DAPK2: variants seen among roughly 807,000 people sequenced by gnomAD.
DAPK2 encodes the protein death associated protein kinase 2.
In DAPK2, 35 loss-of-function variants were observed where a neutral mutation model predicts 44.1. That is an observed-to-expected ratio of 0.79 (90% CI 0.61 to 1.05). The LOEUF is 1.05. DAPK2 is among the 50% of genes least tolerant of loss of function. DAPK2 has a pLI of 0.00. For missense variants in DAPK2, 453 were observed against 483.2 expected, an observed-to-expected ratio of 0.94 and a Z score of 0.59; for synonymous variants, 174 against 182.6, an observed-to-expected ratio of 0.95 and a Z score of 0.38.
In DAPK2 at chr15:63,929,747, G is replaced by A. The variant is rs143260733; in HGVS notation, c.633-170C>T. On this transcript the variant is annotated intron_variant, in intron 5 of 10. Transcript: ENST00000261891. ...CCATCCTGCTCTTCAGCAGCAGCCC[G>A]GGGTGTGTTTGGAGTCATCGAGCTC... The A allele has an allele frequency of 7.5e-6, 6 of 795,218 alleles. No homozygotes were observed. In the East Asian group the frequency reaches 8.1e-5, roughly 11 times the overall value. The allele number at this position is 795,218 out of a possible 1,614,324, so 49.3% of individuals were successfully genotyped here. A position where few individuals can be genotyped will look rare whatever the true frequency, so the allele number is the denominator to read the frequency against.
At chr15:63,983,680 T>C (rs1233092511) in exon 2 of DAPK2, 2 of 1,613,842 alleles carry the variant, frequency 1.2e-6, no homozygotes, top group African/African-American at 1.3e-5. Flanking sequence ...GCTCTGCCGC[T>C]TCTTGATGAA....
intron 1 of DAPK2, among the ~76,000 whole-genome samples, chr15:64,007,758 C>T (rs866173153): frequency 3.9e-5 from 6 of 152,040 alleles, no homozygotes; most frequent in South Asian, 2.1e-4. Flanking sequence ...AATGTCAAGA[C>T]GATACAGTCC....
At chr15:64,033,463 A>G (rs1464714591) in intron 1 of DAPK2, among the ~76,000 whole-genome samples, 1 of 152,174 alleles carries the variant, frequency 6.6e-6, no homozygotes, top group Non-Finnish European at 1.5e-5. Flanking sequence ...GACCCAAAAT[A>G]AGTCTCACAG....
In DAPK2 at chr15:63,980,483, T is replaced by C. The variant is rs1300376191; in HGVS notation, c.314+3050A>G. ...CAGCAACACTCCTACGTTGTGGTAG[T>C]AATGGTTAACCAGCACCATCTTTGA... On this transcript the variant is annotated intron_variant, in intron 2 of 10. Transcript: ENST00000261891. The surrounding 1 kb of genome is among the most constrained non-coding windows in gnomAD (Gnocchi z 4.3). Among the ~76,000 whole-genome samples, 1 of 152,228 alleles carries C rather than the reference T, an allele frequency of 6.6e-6. No homozygotes were observed. The highest frequency in any genetic ancestry group is 2.4e-5 in the African/African-American group (1 of 41,448).
chr15:63,923,198 A>G lies in DAPK2; in HGVS notation c.858+1618T>C. The G allele has an allele frequency of 1.3e-6, 2 of 1,535,860 alleles. No individual in the cohort carries two copies. The highest frequency in any genetic ancestry group is 1.7e-6 in the Non-Finnish European group (2 of 1,146,728). ...GTCGACCCGAGCCACGTCTTCCACC[A>G]CACAGGCAAAACGCTCGAAGTTGAC... is the stretch of plus-strand genomic sequence containing the variant. On this transcript the variant is annotated intron_variant, in intron 8 of 10. Transcript: ENST00000261891. The surrounding 1 kb of genome is among the most constrained non-coding windows in gnomAD (Gnocchi z 4.2).
intron 3 of DAPK2, among the ~76,000 whole-genome samples, chr15:63,952,469 T>C (rs757636268): frequency 6.6e-6 from 1 of 151,980 alleles, no homozygotes; most frequent in Non-Finnish European, 1.5e-5. Context: ...AGGGTATGTA[T>C]CTGTATCTTG....
chr15:63,934,249 GTTTTTTTT>G (rs772176640), intron 4 of DAPK2, among the ~76,000 whole-genome samples: 2 of 63,286 alleles, frequency 3.2e-5, no homozygotes, highest in Non-Finnish European at 6.0e-5. Context: ...TTTTATCCTA[GTTTTTTTT>G]TTTTTTTTTT....
At chr15:63,940,824 C>T (rs1461923925) in intron 3 of DAPK2, among the ~76,000 whole-genome samples, 1 of 152,076 alleles carries the variant, frequency 6.6e-6, no homozygotes, top group African/African-American at 2.4e-5. Context: ...GGGAAAGAAC[C>T]AGTCATAAAA....
chr15:63,958,322 T>C (rs1054449458), intron 3 of DAPK2, among the ~76,000 whole-genome samples: 32 of 152,224 alleles, frequency 2.1e-4, no homozygotes, highest in Admixed American at 6.5e-4. Flanking sequence ...ACTCTGATGG[T>C]AGTTTCTTTT....
chr15:63,950,593 T>C lies in DAPK2; in HGVS notation c.454-11232A>G, dbSNP rs144856077. ...AAAACACTGTTTTATTTTTTTTATT[T>C]TTTATTTTTTTGGATTAACTGTGTG... On this transcript the variant is annotated intron_variant, in intron 3 of 10. Transcript: ENST00000261891. Among the ~76,000 whole-genome samples the C allele has an allele frequency of 7.6e-3, 1,165 of 152,318 alleles. 15 individuals are homozygous for C. Among genetic ancestry groups the C allele is most frequent in the African/African-American group, 0.027 (1,102 of 41,560 alleles).
intron 8 of DAPK2, among the ~76,000 whole-genome samples, chr15:63,915,561 A>C (rs1304569629): frequency 6.6e-6 from 1 of 152,192 alleles, no homozygotes; most frequent in African/African-American, 2.4e-5. Context: ...CATGGCTGGA[A>C]GGTCAACTTG....
chr15:63,932,134 G>A (rs1263080457), intron 4 of DAPK2, among the ~76,000 whole-genome samples: 4 of 140,190 alleles, frequency 2.9e-5, no homozygotes, highest in African/African-American at 5.2e-5. Flanking sequence ...GCCACTGCAC[G>A]CCAGCCTGGG....
intron 8 of DAPK2, 184 bp downstream of exon 9, chr15:63,924,632 A>C: frequency 1.7e-6 from 1 of 572,510 alleles, no homozygotes. Context: ...TAAAATAGCA[A>C]GCAAATAAAC....
intron 1 of DAPK2, among the ~76,000 whole-genome samples, chr15:63,993,117 C>T (rs917150908): frequency 2.0e-5 from 3 of 152,128 alleles, no homozygotes; most frequent in South Asian, 2.1e-4. Flanking sequence ...GCATCCAGCC[C>T]GCCTCCTGTG....
intron 1 of DAPK2, among the ~76,000 whole-genome samples, chr15:64,026,392 T>C (rs535138534): frequency 2.0e-5 from 3 of 152,058 alleles, no homozygotes; most frequent in Non-Finnish European, 4.4e-5. Flanking sequence ...TACAGGCGCA[T>C]GCCACCACAC....
intron 1 of DAPK2, among the ~76,000 whole-genome samples, chr15:64,035,175 A>C (rs2080144577): frequency 1.3e-5 from 2 of 152,122 alleles, no homozygotes; most frequent in African/African-American, 4.8e-5. Flanking sequence ...CTCAAAAAAA[A>C]AAAAATCATC....
intron 3 of DAPK2, among the ~76,000 whole-genome samples, chr15:63,949,790 C>T (rs2077540727): frequency 6.6e-6 from 1 of 152,178 alleles, no homozygotes; most frequent in Admixed American, 6.5e-5. Flanking sequence ...GCTCTGTGAT[C>T]TTGGCAAGTC....
intron 2 of DAPK2, among the ~76,000 whole-genome samples, chr15:63,973,373 C>A (rs1053126584): frequency 1.3e-5 from 2 of 152,244 alleles, no homozygotes; most frequent in Admixed American, 6.5e-5. Context: ...GGGGCAAGAC[C>A]TCCATTCCAC....
chr15:63,995,572 C>T (rs554307892), intron 1 of DAPK2, among the ~76,000 whole-genome samples: 49 of 152,342 alleles, frequency 3.2e-4, no homozygotes, highest in African/African-American at 1.1e-3. Flanking sequence ...CAATTCTGTG[C>T]CTCAGTGACT....
Sources: allele counts gnomAD v4.1 joint callset (sites outside exome capture counted in the v4.1 genomes callset), GRCh38; gene constraint gnomAD v4.1.1; non-coding constraint Gnocchi (gnomAD v3.1); transcripts MANE v1.5; gene names NCBI Gene and HGNC (gene_info 2026-07-23, HGNC 2026-07-21).